Variants in SEPTIN9 observed in about 807,000 individuals in gnomAD.
The protein encoded by SEPTIN9 is septin-9.
Under a neutral mutation model 56.6 loss-of-function variants are expected in SEPTIN9, and 13 were observed. The ratio of observed to expected loss-of-function variants is 0.23; its 90% confidence interval spans 0.15 to 0.37. The LOEUF (loss-of-function observed/expected upper bound fraction) is 0.37, where lower values mean the gene tolerates loss of function less well. Ranked by LOEUF, SEPTIN9 falls within the 10% of genes least tolerant of loss-of-function variation. The probability of loss-of-function intolerance (pLI) is 1.00; values close to 1 mark genes in which losing one functional copy is unlikely to be tolerated. For synonymous variants in SEPTIN9, 332 were observed against 334.1 expected (o/e 0.99, Z 0.07); for missense variants, 650 against 823.1 (o/e 0.79, Z 2.57).
chr17:77,397,674 A>C (rs1041947847), intron 2 of SEPTIN9, among the ~76,000 whole-genome samples: 3 of 151,762 alleles, frequency 2.0e-5, no homozygotes, highest in African/African-American at 7.3e-5. Context: ...TTTTGAGATG[A>C]AGTCTTGCTT....
At chr17:77,454,058 T>C (rs1259194297) in intron 3 of SEPTIN9, 3 of 985,254 alleles carry the variant, frequency 3.0e-6, no homozygotes, top group South Asian at 4.7e-5. Context: ...TGGCCGGGAG[T>C]GTGGGAAGAG....
At chr17:77,496,838 C>A (rs2040285688) in intron 10 of SEPTIN9, among the ~76,000 whole-genome samples, 1 of 152,238 alleles carries the variant, frequency 6.6e-6, no homozygotes, top group Non-Finnish European at 1.5e-5. Flanking sequence ...GGGGGTAACA[C>A]CCTGTGGGCC....
intron 3 of SEPTIN9, among the ~76,000 whole-genome samples, chr17:77,461,905 C>T (rs1200558227): frequency 6.6e-6 from 1 of 152,122 alleles, no homozygotes; most frequent in Non-Finnish European, 1.5e-5. Context: ...GTCCCGAGAC[C>T]CAGGAAAAGC....
intron 1 of SEPTIN9, 52 bp from the exon 2 acceptor site, chr17:77,307,089 G>A (rs1306110658): frequency 3.2e-6 from 5 of 1,541,728 alleles, no homozygotes; most frequent in Non-Finnish European, 3.6e-6. Context: ...TCCACCCGGA[G>A]GGAGAGCGCC....
chr17:77,492,635 G>A lies in SEPTIN9; in HGVS notation c.1395G>A (p.Leu465=). 1.2e-6 allele frequency: 2 copies of A among 1,614,094 alleles called. No individual in the cohort carries two copies. The highest frequency in any genetic ancestry group is 1.7e-6 in the Non-Finnish European group (2 of 1,180,002). The change falls in exon 9 of 12, where the codon CTG becomes CTA. Residue 465 remains leucine, a synonymous_variant. Coordinates refer to ENST00000427177, the MANE Select transcript of SEPTIN9 (RefSeq NM_001113491.2). This position sits in a 1 kb window ranked among gnomAD's most constrained non-coding sequence, Gnocchi z 5.4. ...CCTTATCCCAGATCACCGCAGACCT[G>A]CTGTCCAACGGCATCGACGTGTACC... ...VHFKQRITAD[L]LSNGIDVYPQ...
intron 3 of SEPTIN9, among the ~76,000 whole-genome samples, chr17:77,413,589 G>C (rs74000242): frequency 0.034 from 5,207 of 152,248 alleles, 311 homozygotes; most frequent in African/African-American, 0.12. Flanking sequence ...GTGCAGTGCA[G>C]GGTGATGTGT....
At chr17:77,438,084 G>C (rs539751850) in intron 3 of SEPTIN9, among the ~76,000 whole-genome samples, 68 of 152,334 alleles carry the variant, frequency 4.5e-4, no homozygotes, top group Middle Eastern at 3.4e-3. Flanking sequence ...TGGCCCTGCA[G>C]GGGGGTGCTC....
At chr17:77,321,772 G>T (rs1026029116) in intron 2 of SEPTIN9, among the ~76,000 whole-genome samples, 5 of 152,232 alleles carry the variant, frequency 3.3e-5, no homozygotes, top group African/African-American at 1.2e-4. Context: ...GGGCACAGCA[G>T]GCGGACCTCA....
intron 4 of SEPTIN9, among the ~76,000 whole-genome samples, chr17:77,485,169 G>A (rs796235080): frequency 0.062 from 5,444 of 87,274 alleles, no homozygotes; most frequent in Middle Eastern, 0.13. Flanking sequence ...TGATGGTAAT[G>A]TGGGTGATGG....
intron 8 of SEPTIN9, among the ~76,000 whole-genome samples, chr17:77,491,582 G>T (rs1265690314): frequency 1.3e-5 from 2 of 151,476 alleles, no homozygotes; most frequent in African/African-American, 2.4e-5. Flanking sequence ...GGAGGCCGAG[G>T]CGGGCAGATC....
In SEPTIN9 at chr17:77,433,710, A is replaced by T. The variant is rs2037235038; in HGVS notation, c.721+31007A>T. 6.6e-6 allele frequency among the ~76,000 whole-genome samples: 1 copy of T among 152,106 alleles called. No homozygotes were observed. Among genetic ancestry groups the T allele is most frequent in the Non-Finnish European group, 1.5e-5 (1 of 68,008 alleles). On this transcript the variant is annotated intron_variant, in intron 3 of 11. Coordinates refer to ENST00000427177, the MANE Select transcript of SEPTIN9 (RefSeq NM_001113491.2). This position sits in a 1 kb window ranked among gnomAD's most constrained non-coding sequence, Gnocchi z 6.4. Reference sequence around the variant, plus strand: ...AATCTGCAGAGGAAGGGAGATGGGAATGCCGGGACCTTCTCCTGCACCTCC... The same window carrying T: ...AATCTGCAGAGGAAGGGAGATGGGATTGCCGGGACCTTCTCCTGCACCTCC...
At chr17:77,482,039 C>T (rs1040206319) in intron 3 of SEPTIN9, 105 bp from the exon 4 acceptor site, 1 of 1,112,096 alleles carries the variant, frequency 9.0e-7, no homozygotes, top group Non-Finnish European at 1.3e-6. Flanking sequence ...TTCTGAGCCT[C>T]AGTGCCTCAG....
chr17:77,366,741 G>C (rs1180291466), intron 2 of SEPTIN9, among the ~76,000 whole-genome samples: 1 of 152,192 alleles, frequency 6.6e-6, no homozygotes, highest in African/African-American at 2.4e-5. Context: ...GGTATCATCA[G>C]AGCCAGCAGG....
Position 77,402,133 on chromosome 17 carries a change from C to T in SEPTIN9, c.151C>T (p.Leu51=). The T allele has an allele frequency of 6.2e-7, 1 of 1,613,942 alleles. No homozygotes were observed. The highest frequency in any genetic ancestry group is 8.5e-7 in the Non-Finnish European group (1 of 1,179,886). ...STPPRRVQTP[L]LRATVASSTQ... is the part of the protein sequence containing the mutation. The stretch of plus-strand genomic sequence containing the variant: ...CCCACCCCGGAGGGTCCAGACTCCC[C>T]TACTCCGAGCCACTGTGGCCAGCTC... Residue 51 remains leucine, a synonymous_variant, in exon 3 of 12, where the codon CTA becomes TTA. Transcript: ENST00000427177. The surrounding 1 kb of genome is among the most constrained non-coding windows in gnomAD (Gnocchi z 6.6).
In SEPTIN9 at chr17:77,498,425, C is replaced by T. The variant is rs555660785; in HGVS notation, c.1626-98C>T. The T allele has an allele frequency of 1.6e-3, 1,175 of 728,568 alleles. 12 individuals are homozygous for T. In the African/African-American group the frequency reaches 0.017, roughly 10 times the overall value. The allele number at this position is 728,568 out of a possible 1,614,324, so 45.1% of individuals were successfully genotyped here. The stretch of plus-strand genomic sequence containing the variant: ...GATGGGGAGTGGGGGTGGGGGCAGG[C>T]GGGCCTGAGTCCGAGGCAGGCCGAG... On this transcript the variant is annotated intron_variant, in intron 11 of 11. Coordinates refer to ENST00000427177, the MANE Select transcript of SEPTIN9 (RefSeq NM_001113491.2).
intron 2 of SEPTIN9, among the ~76,000 whole-genome samples, chr17:77,343,093 A>G (rs1390299128): frequency 6.6e-6 from 1 of 151,940 alleles, no homozygotes; most frequent in African/African-American, 2.4e-5. Context: ...AACTCTTGAA[A>G]TCTCCAAAGT....
Position 77,318,509 on chromosome 17 carries a change from C to T in SEPTIN9, c.76+11312C>T, listed in dbSNP as rs1033871617. Among the ~76,000 whole-genome samples the T allele has an allele frequency of 2.6e-5, 4 of 152,282 alleles. No individual in the cohort carries two copies. The highest frequency in any genetic ancestry group is 6.5e-5 in the Admixed American group (1 of 15,304). On this transcript the variant is annotated intron_variant, in intron 2 of 11. Transcript: ENST00000427177. This position sits in a 1 kb window ranked among gnomAD's most constrained non-coding sequence, Gnocchi z 4.9. ...ACATGCTATCCCTGGGGCCATTATTCAGCCTTCTCTCGTGACTATGATCCC... is the reference window on the plus strand; with the variant it reads ...ACATGCTATCCCTGGGGCCATTATTTAGCCTTCTCTCGTGACTATGATCCC...
At chr17:77,307,227 C>T in intron 2 of SEPTIN9, 30 bp downstream of exon 2, 1 of 1,599,748 alleles carries the variant, frequency 6.3e-7, no homozygotes, top group Non-Finnish European at 8.6e-7. Context: ...CTGGCCCCAC[C>T]CAGCTCATGG....
Position 77,381,084 on chromosome 17 carries a change from A to G in SEPTIN9, c.77-20975A>G, listed in dbSNP as rs540017922. Reference sequence around the variant, plus strand: ...GGCTGTCTCTACCTGTGGCCTTTGCAGGCAGCAGTTCCCTGGGGCAGGGCC... The same window carrying G: ...GGCTGTCTCTACCTGTGGCCTTTGCGGGCAGCAGTTCCCTGGGGCAGGGCC... On this transcript the variant is annotated intron_variant, in intron 2 of 11. Coordinates refer to ENST00000427177, the MANE Select transcript of SEPTIN9 (RefSeq NM_001113491.2). Among the ~76,000 whole-genome samples, 5 of 152,310 alleles carry G rather than the reference A, an allele frequency of 3.3e-5. No individual in the cohort carries two copies. The East Asian group carries it at 7.7e-4, about 23-fold the overall frequency.
Sources: gnomAD v4.1 joint callset for allele counts (sites outside exome capture counted in the v4.1 genomes callset) on GRCh38, gnomAD v4.1.1 for gene constraint, Gnocchi (gnomAD v3.1) non-coding constraint, MANE v1.5 for transcripts, NCBI Gene and HGNC (gene_info 2026-07-23, HGNC 2026-07-21) for gene names.